Variants in CEP112 observed in about 807,000 individuals in gnomAD.
The protein encoded by CEP112 is centrosomal protein of 112 kDa.
Under a neutral mutation model 153.0 loss-of-function variants are expected in CEP112, and 127 were observed. That is an observed-to-expected ratio of 0.83 (90% confidence interval 0.72 to 0.96). The LOEUF (loss-of-function observed/expected upper bound fraction) is 0.96. Among genes scored for constraint, CEP112 ranks in the 40% least tolerant of loss-of-function variants. The pLI is 0.00. For missense variants in CEP112, 1,089 were observed against 1,101.2 expected (o/e 0.99, Z 0.16); for synonymous variants, 358 against 374.4 (o/e 0.96, Z 0.51).
chr17:65,917,027 C>T (rs185608435), intron 19 of CEP112, among the ~76,000 whole-genome samples: 201 of 152,266 alleles, frequency 1.3e-3, no homozygotes, highest in Middle Eastern at 6.8e-3. Flanking sequence ...GACACAGGGG[C>T]CCAGGCTCTA....
intron 4 of CEP112, among the ~76,000 whole-genome samples, chr17:66,164,954 GT>G (rs2071888351): frequency 6.7e-6 from 1 of 148,934 alleles, no homozygotes; most frequent in African/African-American, 2.5e-5. Flanking sequence ...TTTTTTGTTA[GT>G]AGGAGCTCCT....
At chr17:65,877,001 A>G (rs2058851476) in intron 20 of CEP112, among the ~76,000 whole-genome samples, 1 of 152,084 alleles carries the variant, frequency 6.6e-6, no homozygotes, top group African/African-American at 2.4e-5. Context: ...CTCTCAGGCC[A>G]GCCTTAAACT....
At chr17:66,172,674 G>A (rs540849446) in intron 4 of CEP112, among the ~76,000 whole-genome samples, 5 of 152,082 alleles carry the variant, frequency 3.3e-5, no homozygotes, top group African/African-American at 7.2e-5. Context: ...CTATTCACCC[G>A]GACTCCCTGG....
intron 1 of CEP112, among the ~76,000 whole-genome samples, chr17:66,187,774 A>G (rs1306240170): frequency 1.3e-5 from 2 of 151,970 alleles, no homozygotes; most frequent in African/African-American, 4.8e-5. Context: ...GCAACTCCAG[A>G]CTCATTTACA....
chr17:65,669,712 G>C (rs545268086), intron 24 of CEP112, among the ~76,000 whole-genome samples: 1 of 152,080 alleles, frequency 6.6e-6, no homozygotes, highest in Non-Finnish European at 1.5e-5. Context: ...GACCATCCTG[G>C]CTAACACGGT....
At chr17:66,152,792 T>C (rs1479726566) in intron 4 of CEP112, among the ~76,000 whole-genome samples, 7 of 152,170 alleles carry the variant, frequency 4.6e-5, no homozygotes, top group Non-Finnish European at 1.0e-4. Flanking sequence ...TGTTATGAAC[T>C]AGTGACTTTT....
At chr17:66,107,315 A>AT (rs928585933) in intron 6 of CEP112, among the ~76,000 whole-genome samples, 4 of 152,168 alleles carry the variant, frequency 2.6e-5, no homozygotes, top group African/African-American at 9.6e-5. Flanking sequence ...AGAGGAAGAA[A>AT]TACAGGGCAT....
At chr17:65,736,405 T>C (rs988684849) in intron 23 of CEP112, among the ~76,000 whole-genome samples, 4 of 152,094 alleles carry the variant, frequency 2.6e-5, no homozygotes, top group Admixed American at 6.6e-5. Context: ...TCCATCCAAA[T>C]GGAAATGCCC....
At chr17:66,183,816 A>G (rs575220242) in intron 1 of CEP112, among the ~76,000 whole-genome samples, 68 of 152,356 alleles carry the variant, frequency 4.5e-4, no homozygotes, top group African/African-American at 1.6e-3. Context: ...GTATATAAAA[A>G]TTAACTCAAT....
At chr17:65,790,919 T>C (rs2054556819) in intron 21 of CEP112, among the ~76,000 whole-genome samples, 1 of 152,070 alleles carries the variant, frequency 6.6e-6, no homozygotes, top group African/African-American at 2.4e-5. Flanking sequence ...CACCCTTGCG[T>C]TGGGGATGTA....
intron 21 of CEP112, chr17:65,751,129 A>G (rs1033814705): frequency 1.8e-5 from 3 of 163,856 alleles, no homozygotes; most frequent in Non-Finnish European, 3.9e-5. Flanking sequence ...TTAATTAAAA[A>G]AATAAAAGGA....
intron 21 of CEP112, among the ~76,000 whole-genome samples, chr17:65,764,970 TG>T (rs1278356913): frequency 7.9e-6 from 1 of 127,232 alleles, no homozygotes; most frequent in African/African-American, 3.3e-5. Flanking sequence ...TTACGTAAAA[TG>T]TCTTATAGTT....
intron 23 of CEP112, among the ~76,000 whole-genome samples, chr17:65,697,715 C>T (rs232138): frequency 0.46 from 70,388 of 151,912 alleles, 16,650 homozygotes; most frequent in Middle Eastern, 0.55. Flanking sequence ...GTTTTATTAT[C>T]ATTTTTAAAT....
At chr17:65,734,511 A>T (rs2050688658) in intron 23 of CEP112, among the ~76,000 whole-genome samples, 1 of 152,242 alleles carries the variant, frequency 6.6e-6, no homozygotes, top group Non-Finnish European at 1.5e-5. Context: ...TCATTAAAAT[A>T]GTAATAAACT....
chr17:65,680,505 G>A (rs1442909816), intron 24 of CEP112, among the ~76,000 whole-genome samples: 5 of 151,722 alleles, frequency 3.3e-5, no homozygotes, highest in Admixed American at 6.6e-5. Context: ...TTTCCATCCC[G>A]TCCTTCTTCC....
At chr17:65,670,369 A>G (rs1161696568) in intron 24 of CEP112, among the ~76,000 whole-genome samples, 1 of 152,020 alleles carries the variant, frequency 6.6e-6, no homozygotes, top group African/African-American at 2.4e-5. Flanking sequence ...GTAACTAAAA[A>G]AAAAAACCCT....
intron 16 of CEP112, among the ~76,000 whole-genome samples, chr17:66,014,777 G>GT (rs2064700426): frequency 1.3e-5 from 2 of 152,252 alleles, no homozygotes; most frequent in African/African-American, 4.8e-5. Context: ...TTTCAGCCCA[G>GT]TGTCTCTGTC....
rs112669841 is a variant in CEP112, at chr17:65,708,297, C to T, written c.2608-19079G>A. Among the ~76,000 whole-genome samples, 53 of 152,236 alleles carry T rather than the reference C, an allele frequency of 3.5e-4. 1 individual carries two copies. Among genetic ancestry groups the T allele is most frequent in the African/African-American group, 1.2e-3 (50 of 41,538 alleles). On this transcript the variant is annotated intron_variant, in intron 23 of 26. Coordinates refer to ENST00000535342, the MANE Select transcript of CEP112 (RefSeq NM_001199165.4). ...CAGTCCAATTTCTGAAATGCTAAGTCCATTTGATCTCCCACTAAGGGATCA... is the reference window on the plus strand; with the variant it reads ...CAGTCCAATTTCTGAAATGCTAAGTTCATTTGATCTCCCACTAAGGGATCA...
At chr17:65,989,451 C>G (rs1266384403) in intron 17 of CEP112, among the ~76,000 whole-genome samples, 2 of 148,378 alleles carry the variant, frequency 1.3e-5, no homozygotes, top group African/African-American at 2.5e-5. Context: ...CAGGAGGGAG[C>G]AGGATGACAG....
Sources: allele counts gnomAD v4.1 joint callset (sites outside exome capture counted in the v4.1 genomes callset), GRCh38; gene constraint gnomAD v4.1.1; transcripts MANE v1.5; gene names NCBI Gene and HGNC (gene_info 2026-07-23, HGNC 2026-07-21).